The following AUTS2 variants were observed in gnomAD, a reference collection of about 807,000 sequenced individuals.
AUTS2 encodes the protein activator of transcription and developmental regulator AUTS2.
In AUTS2, 17 loss-of-function variants were observed where a neutral mutation model predicts 112.4. The ratio of observed to expected loss-of-function variants is 0.15; its 90% CI spans 0.10 to 0.23. The LOEUF (loss-of-function observed/expected upper bound fraction) is 0.23. AUTS2 is among the 10% of genes least tolerant of loss of function. AUTS2 has a pLI of 1.00. For synonymous variants in AUTS2, 751 were observed against 702.7 expected (o/e 1.07, Z -1.09); for missense variants, 1,510 against 1,701.6 (o/e 0.89, Z 1.98).
At position 70,792,262 on chromosome 7, in the gene AUTS2, G is replaced by A. The variant is rs1348534085; in HGVS notation, c.*1266G>A. Reference sequence around the variant, plus strand: ...GATGGCAGAAAAAAAAGTCTTGTGTGTGAGTGTGTTTTTTGAGTTTGCATC... The same window carrying A: ...GATGGCAGAAAAAAAAGTCTTGTGTATGAGTGTGTTTTTTGAGTTTGCATC... On this transcript the variant is annotated 3_prime_UTR_variant, in exon 19 of 19. Coordinates refer to ENST00000342771, the MANE Select transcript of AUTS2 (RefSeq NM_015570.4). The A allele has an allele frequency of 4.2e-4, 64 of 152,620 alleles. No individual in the cohort carries two copies. The highest frequency in any genetic ancestry group is 7.4e-5 in the Non-Finnish European group (5 of 68,018). The allele number at this position is 152,620 out of a possible 1,614,324, so 9.5% of individuals were successfully genotyped here. A position where few individuals can be genotyped will look rare whatever the true frequency, so the allele number is the denominator to read the frequency against.
intron 5 of AUTS2, among the ~76,000 whole-genome samples, chr7:70,464,645 G>T (rs1378423303): frequency 1.3e-5 from 2 of 152,122 alleles, no homozygotes; most frequent in Non-Finnish European, 2.9e-5. Flanking sequence ...ATTGATCAGG[G>T]GTTAAGGTAT....
intron 2 of AUTS2, among the ~76,000 whole-genome samples, chr7:69,956,202 G>A (rs1797202592): frequency 6.6e-6 from 1 of 151,788 alleles, no homozygotes; most frequent in Non-Finnish European, 1.5e-5. Flanking sequence ...CTCATTCCAG[G>A]GAGTATGGGA....
At chr7:70,418,368 A>C (rs1453180840) in intron 4 of AUTS2, among the ~76,000 whole-genome samples, 1 of 152,124 alleles carries the variant, frequency 6.6e-6, no homozygotes, top group African/African-American at 2.4e-5. Context: ...TAATTTTCTC[A>C]CTTCATACCC....
At chr7:69,818,492 G>A (rs559396786) in intron 1 of AUTS2, among the ~76,000 whole-genome samples, 86 of 152,258 alleles carry the variant, frequency 5.6e-4, no homozygotes, top group Non-Finnish European at 1.0e-3. Flanking sequence ...GTGGCAGTTC[G>A]GGTTTATTAA....
chr7:70,724,770 G>A (rs555329843), intron 6 of AUTS2, among the ~76,000 whole-genome samples: 7 of 152,282 alleles, frequency 4.6e-5, no homozygotes, highest in Admixed American at 2.0e-4. Context: ...TTATGTGTAA[G>A]GTGCTAAGGT....
chr7:69,622,250 C>T (rs1793707464), intron 1 of AUTS2, among the ~76,000 whole-genome samples: 1 of 152,114 alleles, frequency 6.6e-6, no homozygotes, highest in South Asian at 2.1e-4. Flanking sequence ...TAAAAGACCC[C>T]AGGGTAGTGC....
intron 4 of AUTS2, among the ~76,000 whole-genome samples, chr7:70,165,975 A>C (rs1808360922): frequency 6.6e-6 from 1 of 152,204 alleles, no homozygotes; most frequent in African/African-American, 2.4e-5. Flanking sequence ...GTGAGTTCTC[A>C]TGAGATCTGG....
chr7:70,487,327 G>C (rs1016842850), intron 5 of AUTS2, among the ~76,000 whole-genome samples: 1 of 152,144 alleles, frequency 6.6e-6, no homozygotes, highest in Non-Finnish European at 1.5e-5. Context: ...TTTTCAAGAA[G>C]TGTTAATTTA....
At chr7:70,445,604 G>A (rs1350517922) in intron 5 of AUTS2, among the ~76,000 whole-genome samples, 1 of 152,154 alleles carries the variant, frequency 6.6e-6, no homozygotes, top group East Asian at 1.9e-4. Flanking sequence ...GAAGGGAAGG[G>A]CTATATACAA....
intron 1 of AUTS2, among the ~76,000 whole-genome samples, chr7:69,753,400 G>A (rs1279006416): frequency 6.6e-6 from 1 of 152,008 alleles, no homozygotes; most frequent in Non-Finnish European, 1.5e-5. Context: ...AGAAAAATGA[G>A]TCAGGATGCC....
In AUTS2 at chr7:70,711,480, C is replaced by T. The variant is rs368364355; in HGVS notation, c.742+12860C>T. On this transcript the variant is annotated intron_variant, in intron 6 of 18. Coordinates refer to ENST00000342771, the MANE Select transcript of AUTS2 (RefSeq NM_015570.4). ...CAAAAATACCTCCACAATACCTGCTCGACATCCTGGGCTTCCAAGTGACAA... is the reference window on the plus strand; with the variant it reads ...CAAAAATACCTCCACAATACCTGCTTGACATCCTGGGCTTCCAAGTGACAA... Among the ~76,000 whole-genome samples, 58 of 152,276 alleles carry T rather than the reference C, an allele frequency of 3.8e-4. No homozygotes were observed. In the South Asian group the frequency reaches 0.011, roughly 29 times the overall value.
chr7:69,817,000 A>G (rs1459723432), intron 1 of AUTS2, among the ~76,000 whole-genome samples: 2 of 152,180 alleles, frequency 1.3e-5, no homozygotes, highest in African/African-American at 2.4e-5. Context: ...TTCATCAGCA[A>G]AATGAAGATA....
intron 4 of AUTS2, among the ~76,000 whole-genome samples, chr7:70,273,825 T>C (rs1230662682): frequency 1.3e-5 from 2 of 152,192 alleles, no homozygotes; most frequent in Non-Finnish European, 2.9e-5. Flanking sequence ...AGTCTGCATG[T>C]AAGTGGATCA....
At chr7:70,649,515 T>TATTC (rs1160995845) in intron 5 of AUTS2, among the ~76,000 whole-genome samples, 1 of 150,210 alleles carries the variant, frequency 6.7e-6, no homozygotes, top group South Asian at 2.1e-4. Context: ...TTTATTTATT[T>TATTC]ATTTATTTAT....
At chr7:70,722,113 T>C (rs1786725115) in intron 6 of AUTS2, among the ~76,000 whole-genome samples, 1 of 152,146 alleles carries the variant, frequency 6.6e-6, no homozygotes, top group Non-Finnish European at 1.5e-5. Flanking sequence ...CTTTGACCTC[T>C]TGAAATTAAA....
chr7:70,193,826 G>A (rs1810030634), intron 4 of AUTS2, among the ~76,000 whole-genome samples: 1 of 152,158 alleles, frequency 6.6e-6, no homozygotes, highest in African/African-American at 2.4e-5. Flanking sequence ...CCTACTGTCA[G>A]TGTTATTTAA....
chr7:70,280,221 G>A (rs187890973), intron 4 of AUTS2, among the ~76,000 whole-genome samples: 1 of 151,796 alleles, frequency 6.6e-6, no homozygotes, highest in Non-Finnish European at 1.5e-5. Flanking sequence ...CTCTTCATGA[G>A]CCAGAGTGTT....
chr7:70,099,595 T>G (rs1437883485), intron 2 of AUTS2, among the ~76,000 whole-genome samples: 1 of 152,110 alleles, frequency 6.6e-6, no homozygotes, highest in Non-Finnish European at 1.5e-5. Flanking sequence ...GGAAATAGCT[T>G]ATTCTTCCAC....
chr7:69,623,487 C>T (rs1018152756), intron 1 of AUTS2, among the ~76,000 whole-genome samples: 1 of 147,176 alleles, frequency 6.8e-6, no homozygotes, highest in African/African-American at 2.5e-5. Flanking sequence ...CTGCCTGGGC[C>T]TCTCACAGTG....
Sources: gnomAD v4.1 joint callset for allele counts (sites outside exome capture counted in the v4.1 genomes callset) on GRCh38, gnomAD v4.1.1 for gene constraint, MANE v1.5 for transcripts, NCBI Gene and HGNC (gene_info 2026-07-23, HGNC 2026-07-21) for gene names.